The following KYNU variants were observed in gnomAD, a reference collection of about 807,000 sequenced individuals.
KYNU encodes kynureninase, also known as L-kynurenine hydrolase.
A neutral mutation model predicts 59.2 loss-of-function variants in KYNU; 54 were observed. The observed-to-expected ratio is 0.91, with a 90% CI of 0.73 to 1.14. The LOEUF is 1.14. Ranked by LOEUF, KYNU falls within the 50% of genes most tolerant of loss-of-function variation. KYNU has a pLI of 0.00. For synonymous variants in KYNU, 177 were observed against 192.0 expected (o/e 0.92, Z 0.65); for missense variants, 567 against 554.4 (o/e 1.02, Z -0.23).
chr2:142,950,258 C>G (rs1266296790), intron 4 of KYNU, among the ~76,000 whole-genome samples: 1 of 152,230 alleles, frequency 6.6e-6, no homozygotes, highest in African/African-American at 2.4e-5. Flanking sequence ...GCATGTTACC[C>G]AGTTCCAAAG....
intron 2 of KYNU, among the ~76,000 whole-genome samples, chr2:142,901,324 G>A (rs1012938448): frequency 2.0e-5 from 3 of 152,128 alleles, no homozygotes; most frequent in Admixed American, 1.3e-4. Context: ...AGGAAACTAC[G>A]TCCTTGTGAG....
At chr2:143,023,758 A>G (rs1686473383) in intron 10 of KYNU, among the ~76,000 whole-genome samples, 1 of 151,946 alleles carries the variant, frequency 6.6e-6, no homozygotes, top group Non-Finnish European at 1.5e-5. Flanking sequence ...AGAAAAATTT[A>G]AAACCTTAAA....
intron 10 of KYNU, chr2:142,988,781 C>A: frequency 8.7e-7 from 1 of 1,149,844 alleles, no homozygotes. Flanking sequence ...TCAGTGCTGT[C>A]AACTTCTAGC....
At chr2:142,965,810 G>A (rs1684509042) in intron 8 of KYNU, among the ~76,000 whole-genome samples, 1 of 152,092 alleles carries the variant, frequency 6.6e-6, no homozygotes, top group South Asian at 2.1e-4. Context: ...GCTTCGGGTT[G>A]GCTAAATATA....
At position 142,881,913 on chromosome 2, in the gene KYNU, T is replaced by C. The variant is rs1191255996; in HGVS notation, c.-19-3436T>C. On this transcript the variant is annotated intron_variant, in intron 1 of 13. Transcript: ENST00000264170. ...AGCACACCTGGCTTTTCTTTTCTTTTTTCTTTTTTTTTTTTTTTTTTTGTA... is the reference window on the plus strand; with the variant it reads ...AGCACACCTGGCTTTTCTTTTCTTTCTTCTTTTTTTTTTTTTTTTTTTGTA... 4.5e-5 allele frequency among the ~76,000 whole-genome samples: 6 copies of C among 133,358 alleles called. No individual in the cohort carries two copies. In the East Asian group the frequency reaches 8.5e-4, roughly 19 times the overall value. 87.5% of individuals were successfully genotyped at this position (133,358 alleles called of 152,430 possible).
chr2:142,988,075 A>G (rs930545304), intron 10 of KYNU, among the ~76,000 whole-genome samples: 3 of 151,838 alleles, frequency 2.0e-5, no homozygotes, highest in Non-Finnish European at 4.4e-5. Flanking sequence ...ACCCAGTCTC[A>G]GGCAGTTGTT....
intron 10 of KYNU, among the ~76,000 whole-genome samples, chr2:143,012,502 A>AG (rs1553489010): frequency 2.0e-5 from 3 of 151,756 alleles, no homozygotes; most frequent in Admixed American, 6.6e-5. Flanking sequence ...AAAAAAAAAA[A>AG]AAAGAAAGAA....
intron 10 of KYNU, among the ~76,000 whole-genome samples, chr2:143,002,022 G>A (rs1431620437): frequency 6.6e-6 from 1 of 152,106 alleles, no homozygotes; most frequent in East Asian, 1.9e-4. Flanking sequence ...GGATTTTATA[G>A]CTTCCATACA....
In KYNU at chr2:143,004,575, G is replaced by A. The variant is rs565382489; in HGVS notation, c.902+18554G>A. Among the ~76,000 whole-genome samples, 6 of 152,242 alleles carry A rather than the reference G, an allele frequency of 3.9e-5. No homozygotes were observed. The South Asian group carries it at 1.2e-3, about 32-fold the overall frequency. ...AAAATACAAGAATTAGCTGCGTGTG[G>A]TGGTGTGCGCCACCACTCGGGAGGC... On this transcript the variant is annotated intron_variant, in intron 10 of 13. Transcript: ENST00000264170.
intron 2 of KYNU, among the ~76,000 whole-genome samples, chr2:142,912,702 CCTTT>C (rs1682527150): frequency 7.8e-6 from 1 of 127,886 alleles, no homozygotes; most frequent in Non-Finnish European, 1.6e-5. Context: ...TTTCTTTCTT[CCTTT>C]TTTTTTTTTT....
intron 12 of KYNU, among the ~76,000 whole-genome samples, chr2:143,034,668 T>G (rs974539193): frequency 6.6e-6 from 1 of 152,244 alleles, no homozygotes; most frequent in African/African-American, 2.4e-5. Context: ...TATATATTTT[T>G]GACAGTTTTT....
rs906704373 is a variant in KYNU at position 142,907,455 on chromosome 2, C to T, written c.170-11154C>T. On this transcript the variant is annotated intron_variant, in intron 2 of 13. Coordinates refer to ENST00000264170, the MANE Select transcript of KYNU (RefSeq NM_003937.3). ...GTGCCTTGCTGGATCAGGAGCACAACCTGCCAGATCCAGAGGGGTGGGAGT... is the reference window on the plus strand; with the variant it reads ...GTGCCTTGCTGGATCAGGAGCACAATCTGCCAGATCCAGAGGGGTGGGAGT... 3.9e-5 allele frequency among the ~76,000 whole-genome samples: 6 copies of T among 152,326 alleles called. No individual in the cohort carries two copies. In the East Asian group the frequency reaches 1.2e-3, roughly 29 times the overall value.
In KYNU at chr2:142,997,868, G is replaced by A. The variant is rs567640030; in HGVS notation, c.902+11847G>A. 5.3e-5 allele frequency among the ~76,000 whole-genome samples: 8 copies of A among 152,192 alleles called. No individual in the cohort carries two copies. In the South Asian group the frequency reaches 1.7e-3, roughly 32 times the overall value. On this transcript the variant is annotated intron_variant, in intron 10 of 13. Coordinates refer to ENST00000264170, the MANE Select transcript of KYNU (RefSeq NM_003937.3). Reference sequence around the variant, plus strand: ...AGACTTGCTGAAGAGATCAAGGAGAGTTTGGATATTTCATTTCATAACTCC... The same window carrying A: ...AGACTTGCTGAAGAGATCAAGGAGAATTTGGATATTTCATTTCATAACTCC...
intron 10 of KYNU, among the ~76,000 whole-genome samples, chr2:143,006,817 G>A (rs1685920834): frequency 6.6e-6 from 1 of 151,820 alleles, no homozygotes; most frequent in South Asian, 2.1e-4. Context: ...ACACGGCAGG[G>A]TATTCCAACA....
intron 3 of KYNU, among the ~76,000 whole-genome samples, chr2:142,924,455 T>A (rs1402362911): frequency 6.6e-6 from 1 of 152,030 alleles, no homozygotes; most frequent in African/African-American, 2.4e-5. Context: ...GGAAAAAAAA[T>A]TATAATGTAA....
intron 12 of KYNU, among the ~76,000 whole-genome samples, chr2:143,033,857 A>G (rs1247321897): frequency 6.6e-6 from 1 of 152,204 alleles, no homozygotes; most frequent in Non-Finnish European, 1.5e-5. Flanking sequence ...AGTAAACCAA[A>G]GATTAAATAA....
chr2:142,959,617 A>G (rs168443), intron 7 of KYNU, among the ~76,000 whole-genome samples: 4,065 of 152,234 alleles, frequency 0.027, 180 homozygotes, highest in Admixed American at 0.11. Flanking sequence ...AAAACTTCAG[A>G]ATTGCTAGGA....
chr2:142,992,926 T>G (rs571152298), intron 10 of KYNU, among the ~76,000 whole-genome samples: 1 of 152,170 alleles, frequency 6.6e-6, no homozygotes, highest in South Asian at 2.1e-4. Context: ...CAACCCAAGC[T>G]TAGAATATGT....
intron 4 of KYNU, among the ~76,000 whole-genome samples, chr2:142,948,569 G>A (rs1683877102): frequency 6.6e-6 from 1 of 152,192 alleles, no homozygotes; most frequent in Non-Finnish European, 1.5e-5. Context: ...ATGGCGACAG[G>A]CAAAGAGATA....
Sources: gnomAD v4.1 joint callset for allele counts (sites outside exome capture counted in the v4.1 genomes callset) on GRCh38, gnomAD v4.1.1 for gene constraint, MANE v1.5 for transcripts, NCBI Gene and HGNC (gene_info 2026-07-23, HGNC 2026-07-21) for gene names.